ARHGAP5: variants seen among roughly 807,000 people sequenced by gnomAD.
ARHGAP5 encodes rho GTPase-activating protein 5.
Under a neutral mutation model 116.6 loss-of-function variants are expected in ARHGAP5, and 23 were observed. The observed-to-expected ratio is 0.20, with a 90% CI of 0.14 to 0.28. ARHGAP5 has a LOEUF of 0.28. Ranked by LOEUF, ARHGAP5 falls within the 10% of genes least tolerant of loss-of-function variation. ARHGAP5 has a pLI of 1.00. For synonymous variants in ARHGAP5, 574 were observed against 602.0 expected (o/e 0.95, Z 0.68); for missense variants, 1,405 against 1,774.8 (o/e 0.79, Z 3.74).
At chr14:32,148,331 T>C (rs1021029795) in intron 4 of ARHGAP5, among the ~76,000 whole-genome samples, 1 of 152,152 alleles carries the variant, frequency 6.6e-6, no homozygotes, top group Non-Finnish European at 1.5e-5. Flanking sequence ...GAGTTTGACT[T>C]TCTTGTTTTG....
chr14:32,116,023 C>CA (rs1450615312), intron 2 of ARHGAP5, among the ~76,000 whole-genome samples: 3 of 151,642 alleles, frequency 2.0e-5, no homozygotes, highest in Admixed American at 2.0e-4. Context: ...CGCAGTAGCT[C>CA]ATGCCTGTAA....
chr14:32,115,111 T>A (rs1328805033), intron 2 of ARHGAP5, among the ~76,000 whole-genome samples: 1 of 152,184 alleles, frequency 6.6e-6, no homozygotes, highest in Non-Finnish European at 1.5e-5. Context: ...CTTCAGAAAC[T>A]CTCAATGGGA....
At chr14:32,119,368 G>C (rs1879767184) in intron 3 of ARHGAP5, among the ~76,000 whole-genome samples, 1 of 152,036 alleles carries the variant, frequency 6.6e-6, no homozygotes, top group Non-Finnish European at 1.5e-5. Flanking sequence ...TGATATAAAT[G>C]ATCAGTAATT....
rs147124796 is a variant in ARHGAP5 at position 32,110,728 on chromosome 14, A to C, written c.3718-6412A>C. Among the ~76,000 whole-genome samples, 279 of 152,346 alleles carry C rather than the reference A, an allele frequency of 1.8e-3. 1 individual carries two copies. The highest frequency in any genetic ancestry group is 6.4e-3 in the African/African-American group (268 of 41,576). On this transcript the variant is annotated intron_variant, in intron 2 of 6. Coordinates refer to ENST00000345122, the MANE Select transcript of ARHGAP5 (RefSeq NM_001030055.2). ...GGGGATATTAAGCAGGTGATGCAGT[A>C]ATCCATATATGTGAAATGATGATAG...
intron 3 of ARHGAP5, among the ~76,000 whole-genome samples, chr14:32,133,044 A>G (rs1320017072): frequency 6.6e-6 from 1 of 151,936 alleles, no homozygotes; most frequent in East Asian, 1.9e-4. Flanking sequence ...TGTTCTTTTG[A>G]CTTAGGATTG....
intron 2 of ARHGAP5, among the ~76,000 whole-genome samples, chr14:32,113,967 G>A (rs1159503260): frequency 6.6e-6 from 1 of 152,180 alleles, no homozygotes; most frequent in African/African-American, 2.4e-5. Context: ...AGTGACTCAC[G>A]CCTGTAATCC....
Position 32,091,596 on chromosome 14 carries a change from A to G in ARHGAP5, c.927A>G (p.Leu309=). ...NHPDYEEYIN[L]EGTRKARNTF... ...CTGATTATGAAGAATACATCAACTT[A>G]GAGGGAACAAGAAAGGCCAGAAATA... The change falls in exon 2 of 7, where the codon TTA becomes TTG. Residue 309 remains leucine (L), a synonymous_variant. Coordinates refer to ENST00000345122, the MANE Select transcript of ARHGAP5 (RefSeq NM_001030055.2). 6.2e-7 allele frequency: 1 copy of G among 1,612,516 alleles called. No individual in the cohort carries two copies.
chr14:32,148,419 T>G (rs2139143700), intron 4 of ARHGAP5, among the ~76,000 whole-genome samples: 1 of 152,312 alleles, frequency 6.6e-6, no homozygotes, highest in East Asian at 1.9e-4. Context: ...TTTCTTCATG[T>G]CTAGTATGGG....
Position 32,139,193 on chromosome 14 carries a change from T to C in ARHGAP5, c.3866-7070T>C, listed in dbSNP as rs535618949. 1.2e-4 allele frequency among the ~76,000 whole-genome samples: 18 copies of C among 152,308 alleles called. No homozygotes were observed. The South Asian group carries it at 3.5e-3, about 30-fold the overall frequency. ...GGATATTGGCCTATAGTTTTCACTTTGTATTTTTAATCTGGCTATGGGGCA... is the reference window on the plus strand; with the variant it reads ...GGATATTGGCCTATAGTTTTCACTTCGTATTTTTAATCTGGCTATGGGGCA... On this transcript the variant is annotated intron_variant, in intron 3 of 6. Coordinates refer to ENST00000345122, the MANE Select transcript of ARHGAP5 (RefSeq NM_001030055.2).
chr14:32,152,633 G>T (rs977686119), intron 6 of ARHGAP5, 105 bp downstream of exon 6: 1 of 571,846 alleles, frequency 1.7e-6, no homozygotes, highest in Admixed American at 3.9e-5. Flanking sequence ...AGGGGACTCA[G>T]ACTAAACATA....
chr14:32,096,126 C>T (rs1878513630), intron 2 of ARHGAP5, among the ~76,000 whole-genome samples: 2 of 151,006 alleles, frequency 1.3e-5, no homozygotes, highest in Non-Finnish European at 2.9e-5. Flanking sequence ...TGTGTGTTTT[C>T]GTGTCTATTG....
chr14:32,080,491 G>C (rs895311676), intron 1 of ARHGAP5, among the ~76,000 whole-genome samples: 1 of 151,184 alleles, frequency 6.6e-6, no homozygotes, highest in Non-Finnish European at 1.5e-5. Flanking sequence ...AAACAAAACT[G>C]ATCTGCATTA....
chr14:32,096,290 C>G (rs1367255837), intron 2 of ARHGAP5, among the ~76,000 whole-genome samples: 1 of 152,128 alleles, frequency 6.6e-6, no homozygotes, highest in Non-Finnish European at 1.5e-5. Context: ...CATAGTCTTT[C>G]TAATTACAGT....
At chr14:32,153,042 GTTTTTTTTGT>G (rs1030671461) in intron 6 of ARHGAP5, among the ~76,000 whole-genome samples, 88 of 86,936 alleles carry the variant, frequency 1.0e-3, no homozygotes, top group South Asian at 7.0e-3. Context: ...GAACTGTATG[GTTTTTTTTGT>G]TTTTTTTTTT....
chr14:32,147,375 G>T (rs950932074), intron 4 of ARHGAP5, among the ~76,000 whole-genome samples: 2 of 152,166 alleles, frequency 1.3e-5, no homozygotes, highest in East Asian at 3.9e-4. Context: ...CACATCAGAA[G>T]AGAGCAACCA....
At chr14:32,147,782 C>T (rs114409456) in intron 4 of ARHGAP5, among the ~76,000 whole-genome samples, 2,534 of 151,834 alleles carry the variant, frequency 0.017, 73 homozygotes, top group African/African-American at 0.057. Context: ...TATTGAGTGG[C>T]GTGTGTGTGT....
At chr14:32,134,394 G>A (rs1225862234) in intron 3 of ARHGAP5, among the ~76,000 whole-genome samples, 1 of 152,046 alleles carries the variant, frequency 6.6e-6, no homozygotes, top group African/African-American at 2.4e-5. Flanking sequence ...ACTGCTTTTT[G>A]TCTTATTCCT....
chr14:32,087,511 A>T (rs1456731034), intron 1 of ARHGAP5, among the ~76,000 whole-genome samples: 1 of 138,076 alleles, frequency 7.2e-6, no homozygotes, highest in Non-Finnish European at 1.5e-5. Flanking sequence ...TTCAAACCAA[A>T]GCCTCTTGAA....
rs1363093044 is a variant in ARHGAP5, at chr14:32,157,456, C to G, written c.*2508C>G. The G allele has an allele frequency of 6.6e-6, 1 of 151,576 alleles. No homozygotes were observed. The highest frequency in any genetic ancestry group is 1.5e-5 in the Non-Finnish European group (1 of 67,520). The allele number at this position is 151,576 out of a possible 1,614,324, so 9.4% of individuals were successfully genotyped here. A position where few individuals can be genotyped will look rare whatever the true frequency, so the allele number is the denominator to read the frequency against. On this transcript the variant is annotated 3_prime_UTR_variant, in exon 7 of 7. Coordinates refer to ENST00000345122, the MANE Select transcript of ARHGAP5 (RefSeq NM_001030055.2). Reference sequence around the variant, plus strand: ...TATTTTACAATACTGAATAAAATTTCATCTACACACATGTTGCCATTGTTT... The same window carrying G: ...TATTTTACAATACTGAATAAAATTTGATCTACACACATGTTGCCATTGTTT...
Sources: gnomAD v4.1 joint callset for allele counts (sites outside exome capture counted in the v4.1 genomes callset) on GRCh38, gnomAD v4.1.1 for gene constraint, MANE v1.5 for transcripts, NCBI Gene and HGNC (gene_info 2026-07-23, HGNC 2026-07-21) for gene names.